Variants in TMEM222 observed in about 807,000 individuals in gnomAD.
TMEM222 encodes transmembrane protein 222.
A neutral mutation model predicts 25.1 loss-of-function variants in TMEM222; 18 were observed. The observed-to-expected ratio is 0.72, with a 90% CI of 0.50 to 1.06. TMEM222 has a LOEUF of 1.06. Ranked by LOEUF, TMEM222 falls within the 50% of genes least tolerant of loss-of-function variation. The pLI is 0.00. For synonymous variants in TMEM222, 131 were observed against 117.9 expected (o/e 1.11, Z -0.72); for missense variants, 296 against 293.7 (o/e 1.01, Z -0.06).
intron 3 of TMEM222, chr1:27,332,978 C>T: frequency 3.4e-6 from 1 of 293,038 alleles, no homozygotes; most frequent in Non-Finnish European, 6.8e-6. Context: ...CCCTGACCTC[C>T]CAGCTCTCCT....
At position 27,336,091 on chromosome 1, in the gene TMEM222, T is replaced by A. The variant is rs2014600768; in HGVS notation, c.*625T>A. 6.4e-6 allele frequency: 1 copy of A among 155,156 alleles called. No homozygotes were observed. Among genetic ancestry groups the A allele is most frequent in the African/African-American group, 2.4e-5 (1 of 41,448 alleles). 9.6% of individuals were successfully genotyped at this position (155,156 alleles called of 1,614,324 possible). On this transcript the variant is annotated 3_prime_UTR_variant, in exon 6 of 6. Coordinates refer to ENST00000374076, the MANE Select transcript of TMEM222 (RefSeq NM_032125.3). Reference sequence around the variant, plus strand: ...CCAGTGCCTCCCAGCATTGGACCCATCTCCCCCTGCAGTTTGAGGCCAGAG... The same window carrying A: ...CCAGTGCCTCCCAGCATTGGACCCAACTCCCCCTGCAGTTTGAGGCCAGAG...
At chr1:27,322,488 T>A (rs1057264850) in intron 1 of TMEM222, 97 bp downstream of exon 1, 4 of 1,210,394 alleles carry the variant, frequency 3.3e-6, no homozygotes, top group Middle Eastern at 2.3e-4. Flanking sequence ...CAGCAAGCCT[T>A]TTCCTCGGGT....
At chr1:27,323,139 T>C (rs761900458) in intron 1 of TMEM222, among the ~76,000 whole-genome samples, 2 of 152,214 alleles carry the variant, frequency 1.3e-5, no homozygotes, top group Non-Finnish European at 2.9e-5. Context: ...TTATCAGAAT[T>C]AAACATCCAT....
chr1:27,334,218 A>G lies in TMEM222; in HGVS notation c.476A>G (p.Asn159Ser), dbSNP rs781665705. The G allele has an allele frequency of 5.8e-5, 94 of 1,613,998 alleles. No homozygotes were observed. In the South Asian group the frequency reaches 9.8e-4, roughly 17 times the overall value. Reference protein sequence around the residue: ...ALALNLMRYNNSTNWNMVTLC... With the variant: ...ALALNLMRYNSSTNWNMVTLC... The stretch of plus-strand genomic sequence containing the variant: ...GCCCTGAATCTGATGCGCTACAACA[A>G]CAGCACCAACTGGAATATGGTGACG... Residue 159 changes from asparagine (N) to serine (S), a missense_variant, in exon 5 of 6, where the codon AAC becomes AGC. By Grantham distance (46) the Asn-to-Ser change is conservative. Coordinates refer to ENST00000374076, the MANE Select transcript of TMEM222 (RefSeq NM_032125.3).
intron 1 of TMEM222, among the ~76,000 whole-genome samples, chr1:27,323,600 C>G (rs2014265714): frequency 6.6e-6 from 1 of 151,942 alleles, no homozygotes; most frequent in Admixed American, 6.6e-5. Context: ...GTGGCGAAAC[C>G]CGTCTCTACT....
intron 1 of TMEM222, among the ~76,000 whole-genome samples, chr1:27,330,333 G>A (rs2014449699): frequency 6.6e-6 from 1 of 152,000 alleles, no homozygotes; most frequent in Admixed American, 6.6e-5. Context: ...GGAGGCGGAG[G>A]TTGCAGTGAG....
intron 1 of TMEM222, among the ~76,000 whole-genome samples, chr1:27,329,581 A>G (rs1447187900): frequency 6.6e-6 from 1 of 152,262 alleles, no homozygotes; most frequent in Non-Finnish European, 1.5e-5. Flanking sequence ...ATTTCAATGT[A>G]TAACTATACC....
At chr1:27,330,635 G>A (rs2014455930) in intron 1 of TMEM222, 85 bp from the exon 2 acceptor site, 3 of 1,121,232 alleles carry the variant, frequency 2.7e-6, no homozygotes, top group East Asian at 2.3e-5. Flanking sequence ...ACATGCTTCT[G>A]TACTGTATGA....
chr1:27,335,359 C>T lies in TMEM222; in HGVS notation c.540-20C>T, dbSNP rs368562027. ...TCACCAGGCCCTGCCCACCTATGCT[C>T]GCTCCTTTCTCTCTGTCAGCGTTGG... On this transcript the variant is annotated intron_variant, in intron 5 of 5. Coordinates refer to ENST00000374076, the MANE Select transcript of TMEM222 (RefSeq NM_032125.3). 1,170 of 1,613,428 alleles carry T rather than the reference C, an allele frequency of 7.3e-4. 2 individuals are homozygous for T. Among genetic ancestry groups the T allele is most frequent in the Non-Finnish European group, 9.2e-4 (1,080 of 1,179,330 alleles).
rs746596180 is a variant in TMEM222 at position 27,322,221 on chromosome 1, T to C, written c.24T>C (p.Ser8=). 1 of 1,443,410 alleles carries C rather than the reference T, an allele frequency of 6.9e-7. No individual in the cohort carries two copies. Among genetic ancestry groups the C allele is most frequent in the Non-Finnish European group, 9.2e-7 (1 of 1,091,172 alleles). The allele number at this position is 1,443,410 out of a possible 1,614,324, so 89.4% of individuals were successfully genotyped here. Residue 8 remains serine, a synonymous_variant, in exon 1 of 6, where the codon TCT becomes TCC. Coordinates refer to ENST00000374076, the MANE Select transcript of TMEM222 (RefSeq NM_032125.3). The part of the protein sequence containing the change: MAEAEGS[S]LLLLPPPPPP... ...GCATGGCGGAAGCGGAAGGGAGTTC[T>C]CTGCTCTTGTTGCCGCCGCCGCCAC...
At chr1:27,330,114 G>A (rs944165585) in intron 1 of TMEM222, among the ~76,000 whole-genome samples, 1 of 138,984 alleles carries the variant, frequency 7.2e-6, no homozygotes, top group Non-Finnish European at 1.6e-5. Context: ...AAACAAAATG[G>A]TAGGCCGGGT....
rs1219592322 is a variant in TMEM222 at position 27,334,231 on chromosome 1, G to A, written c.489G>A (p.Trp163Ter). The A allele has an allele frequency of 6.2e-7, 1 of 1,614,096 alleles. No individual in the cohort carries two copies. The highest frequency in any genetic ancestry group is 2.2e-5 in the East Asian group (1 of 44,896). Residue 163 changes from tryptophan to a stop codon, truncating the protein, a stop_gained, in exon 5 of 6, where the codon TGG (tryptophan) becomes TGA (stop). Coordinates refer to ENST00000374076, the MANE Select transcript of TMEM222 (RefSeq NM_032125.3). LOFTEE classifies it high-confidence loss of function. ...NLMRYNNSTN[W>*]NMVTLCFFCL... ...TGCGCTACAACAACAGCACCAACTG[G>A]AATATGGTGACGCTCTGCTTCTTCT...
intron 5 of TMEM222, 89 bp downstream of exon 5, chr1:27,334,370 G>T: frequency 1.3e-6 from 2 of 1,578,788 alleles, no homozygotes; most frequent in Non-Finnish European, 1.7e-6. Context: ...GCGTCCTTCA[G>T]TCAGCCAGGA....
chr1:27,329,400 C>T (rs183465303), intron 1 of TMEM222, among the ~76,000 whole-genome samples: 10 of 152,220 alleles, frequency 6.6e-5, no homozygotes, highest in Admixed American at 3.3e-4. Context: ...CCACAGATTC[C>T]ACCCCGCTGT....
chr1:27,334,687 A>AT (rs1557527274), intron 5 of TMEM222: 4 of 1,388,304 alleles, frequency 2.9e-6, no homozygotes, highest in Non-Finnish European at 3.8e-6. Flanking sequence ...AGGCAGAGAG[A>AT]TTGAGTGAGT....
At chr1:27,325,467 C>G in intron 1 of TMEM222, 7 of 1,394,790 alleles carry the variant, frequency 5.0e-6, no homozygotes, top group Non-Finnish European at 7.1e-6. Flanking sequence ...GCCTTCCTTC[C>G]TGGGTATGGA....
chr1:27,334,738 C>T (rs1220245087), intron 5 of TMEM222: 2 of 1,269,136 alleles, frequency 1.6e-6, no homozygotes, highest in Admixed American at 6.3e-5. Context: ...AGAGCCCAGA[C>T]TCGTGAGCCA....
chr1:27,330,569 C>T, intron 1 of TMEM222, 151 bp from the exon 2 acceptor site: 1 of 666,644 alleles, frequency 1.5e-6, no homozygotes, highest in South Asian at 1.8e-5. Context: ...CTTGTCTGTG[C>T]TTCCCCAGCC....
At chr1:27,327,966 G>A (rs908523112) in intron 1 of TMEM222, among the ~76,000 whole-genome samples, 1 of 152,226 alleles carries the variant, frequency 6.6e-6, no homozygotes, top group African/African-American at 2.4e-5. Flanking sequence ...AATATTTAGT[G>A]AGTTGCAGCT....
Sources: allele counts gnomAD v4.1 joint callset (sites outside exome capture counted in the v4.1 genomes callset), GRCh38; gene constraint gnomAD v4.1.1; transcripts MANE v1.5; gene names NCBI Gene and HGNC (gene_info 2026-07-23, HGNC 2026-07-21).